NPAS3: variants seen among roughly 807,000 people sequenced by gnomAD.
NPAS3 encodes neuronal PAS domain protein 3, also known as neuronal PAS domain-containing protein 3.
In NPAS3, 14 loss-of-function variants were observed where a neutral mutation model predicts 73.1. The observed-to-expected ratio is 0.19, with a 90% CI of 0.13 to 0.30. The LOEUF is 0.30. Among genes scored for constraint, NPAS3 ranks in the 10% least tolerant of loss-of-function variants. The pLI is 1.00. For missense variants in NPAS3, 1,096 were observed against 1,250.0 expected, an observed-to-expected ratio of 0.88 and a Z score of 1.86; for synonymous variants, 620 against 541.5, an observed-to-expected ratio of 1.14 and a Z score of -2.01.
At chr14:32,944,388 TA>T (rs1437411656) in intron 1 of NPAS3, among the ~76,000 whole-genome samples, 1 of 152,236 alleles carries the variant, frequency 6.6e-6, no homozygotes, top group African/African-American at 2.4e-5. Context: ...GTTAGTATGT[TA>T]AATTTTACTT....
chr14:33,619,421 T>C (rs1287548901), intron 5 of NPAS3, among the ~76,000 whole-genome samples: 1 of 151,972 alleles, frequency 6.6e-6, no homozygotes, highest in Non-Finnish European at 1.5e-5. Context: ...TCTTAAACTA[T>C]ATGAAATGAG....
At chr14:33,523,667 C>G (rs2053661874) in intron 4 of NPAS3, among the ~76,000 whole-genome samples, 1 of 151,124 alleles carries the variant, frequency 6.6e-6, no homozygotes, top group Non-Finnish European at 1.5e-5. Context: ...GTAATCCCAC[C>G]TATTCTGGAG....
intron 11 of NPAS3, 59 bp from the exon 12 acceptor site, chr14:33,799,675 G>C (rs1465607880): frequency 6.5e-7 from 1 of 1,534,866 alleles, no homozygotes; most frequent in East Asian, 2.4e-5. Context: ...CCGCTAACCT[G>C]GTGTCTTCTC....
chr14:33,292,871 G>A (rs1266644503), intron 3 of NPAS3, among the ~76,000 whole-genome samples: 1 of 152,136 alleles, frequency 6.6e-6, no homozygotes, highest in Non-Finnish European at 1.5e-5. Flanking sequence ...TTCTTTCAGG[G>A]AAAATGTCTT....
intron 6 of NPAS3, among the ~76,000 whole-genome samples, chr14:33,696,852 C>A (rs1165251372): frequency 6.6e-6 from 1 of 152,136 alleles, no homozygotes; most frequent in African/African-American, 2.4e-5. Context: ...TGAGGAGTTA[C>A]CCCTGCATCT....
At chr14:33,643,619 G>A (rs2058740619) in intron 5 of NPAS3, among the ~76,000 whole-genome samples, 2 of 152,156 alleles carry the variant, frequency 1.3e-5, no homozygotes, top group Admixed American at 1.3e-4. Flanking sequence ...GTGTCAGAAA[G>A]CTGATTGGTA....
chr14:33,407,668 G>C (rs890748227), intron 4 of NPAS3, among the ~76,000 whole-genome samples: 4 of 152,024 alleles, frequency 2.6e-5, no homozygotes, highest in Non-Finnish European at 4.4e-5. Flanking sequence ...AAATTTCGGT[G>C]CCTTTATTTT....
chr14:33,657,257 TAC>T (rs2059170194), intron 5 of NPAS3, among the ~76,000 whole-genome samples: 1 of 152,128 alleles, frequency 6.6e-6, no homozygotes. Flanking sequence ...TAGTCTGACA[TAC>T]AAATGATAAC....
chr14:32,984,937 A>G (rs1327136238), intron 1 of NPAS3, among the ~76,000 whole-genome samples: 2 of 152,208 alleles, frequency 1.3e-5, no homozygotes, highest in African/African-American at 4.8e-5. Flanking sequence ...GCTAAGGACA[A>G]TTGCATCAGT....
At position 33,123,861 on chromosome 14, in the gene NPAS3, CTTT is replaced by C. The variant is rs35332896; in HGVS notation, c.140+67883_140+67885del. ...TGTGAAGTTTTTTCTTTCTTTCTTT[CTTT>C]TTTTTTTTTTTTTTTGAGACAAGGT... On this transcript the variant is annotated intron_variant, in intron 2 of 11. Coordinates refer to ENST00000356141, the Ensembl canonical transcript of NPAS3. 9.0e-3 allele frequency among the ~76,000 whole-genome samples: 733 copies of C among 81,148 alleles called. 4 individuals are homozygous for C. The highest frequency in any genetic ancestry group is 0.022 in the African/African-American group (628 of 29,160). 53.2% of individuals were successfully genotyped at this position (81,148 alleles called of 152,430 possible). A position where few individuals can be genotyped will look rare whatever the true frequency, so the allele number is the denominator to read the frequency against.
intron 4 of NPAS3, among the ~76,000 whole-genome samples, chr14:33,508,338 G>A (rs1242291389): frequency 1.3e-5 from 2 of 152,028 alleles, no homozygotes; most frequent in African/African-American, 2.4e-5. Context: ...TGCCTGAAGA[G>A]GTGAAGCCTG....
chr14:33,559,734 C>T (rs1043391415), intron 4 of NPAS3, among the ~76,000 whole-genome samples: 8 of 152,148 alleles, frequency 5.3e-5, no homozygotes, highest in East Asian at 1.9e-4. Context: ...TTAAATTCAG[C>T]GTGGCCGGGC....
intron 2 of NPAS3, among the ~76,000 whole-genome samples, chr14:33,057,208 A>G (rs2040920990): frequency 6.6e-6 from 1 of 152,212 alleles, no homozygotes; most frequent in South Asian, 2.1e-4. Context: ...ATATACATGT[A>G]GTTATCTCTG....
At chr14:33,473,112 G>A (rs1008611105) in intron 4 of NPAS3, among the ~76,000 whole-genome samples, 1 of 152,152 alleles carries the variant, frequency 6.6e-6, no homozygotes, top group Non-Finnish European at 1.5e-5. Flanking sequence ...TTGCAGAGTA[G>A]GCCTGGCCTG....
At chr14:33,293,870 T>G (rs1043206880) in intron 3 of NPAS3, among the ~76,000 whole-genome samples, 5 of 152,196 alleles carry the variant, frequency 3.3e-5, no homozygotes, top group African/African-American at 1.2e-4. Context: ...AACAGACATT[T>G]GTCAGTAATT....
intron 4 of NPAS3, among the ~76,000 whole-genome samples, chr14:33,412,540 T>C (rs1324093174): frequency 2.0e-5 from 3 of 152,230 alleles, no homozygotes; most frequent in Non-Finnish European, 4.4e-5. Context: ...CAAATGGTTG[T>C]CATATTTTTA....
chr14:33,695,632 A>G (rs1954774973), intron 6 of NPAS3, among the ~76,000 whole-genome samples: 1 of 152,246 alleles, frequency 6.6e-6, no homozygotes, highest in Admixed American at 6.5e-5. Flanking sequence ...TTAATTCTAC[A>G]AATCCATGTT....
chr14:32,986,084 T>C (rs1309952672), intron 1 of NPAS3, among the ~76,000 whole-genome samples: 1 of 152,196 alleles, frequency 6.6e-6, no homozygotes, highest in African/African-American at 2.4e-5. Flanking sequence ...GTGTGCCTCT[T>C]GAACCGTCTG....
chr14:33,203,558 G>T (rs1197966571), intron 2 of NPAS3, among the ~76,000 whole-genome samples: 1 of 152,096 alleles, frequency 6.6e-6, no homozygotes, highest in African/African-American at 2.4e-5. Flanking sequence ...ACCTATGAGT[G>T]AGAACATGCG....
Sources: allele counts gnomAD v4.1 joint callset (sites outside exome capture counted in the v4.1 genomes callset), GRCh38; gene constraint gnomAD v4.1.1; transcripts MANE v1.5; gene names NCBI Gene and HGNC (gene_info 2026-07-23, HGNC 2026-07-21).